Variants in PEX5L observed in about 807,000 individuals in gnomAD.
PEX5L encodes PEX5-related protein.
In PEX5L, 30 loss-of-function variants were observed where a neutral mutation model predicts 84.0. The ratio of observed to expected loss-of-function variants is 0.36; its 90% CI spans 0.27 to 0.48. PEX5L has a LOEUF of 0.48. PEX5L is among the 20% of genes least tolerant of loss of function. PEX5L has a pLI of 0.99. For synonymous variants in PEX5L, 270 were observed against 283.1 expected, an observed-to-expected ratio of 0.95 and a Z score of 0.46; for missense variants, 533 against 754.6, an observed-to-expected ratio of 0.71 and a Z score of 3.44.
rs1753697710 is a variant in PEX5L at position 179,880,020 on chromosome 3, C to G, written c.414G>C (p.Lys138Asn). ...SEPSSKTSSL[K>N]KKADGSDLIS... ...TGAGGTCAGATCCATCGGCCTTTTT[C>G]TTGAGGGATGAGGTTTTTGATGAGG... Residue 138 changes from lysine (K) to asparagine (N), a missense_variant, in exon 5 of 15, where the codon AAG becomes AAC. By Grantham distance (94) the Lys-to-Asn change is moderately conservative. Around this residue, in one of 8 missense-constraint regions of PEX5L, gnomAD observed 259 missense variants for 301.7 expected, o/e 0.86. Coordinates refer to ENST00000467460, the MANE Select transcript of PEX5L (RefSeq NM_016559.3). 6.2e-7 allele frequency: 1 copy of G among 1,613,908 alleles called. No homozygotes were observed. Among genetic ancestry groups the G allele is most frequent in the South Asian group, 1.1e-5 (1 of 91,082 alleles).
Position 179,971,671 on chromosome 3 carries a change from G to A in PEX5L, c.22-6C>T. ...TATCCTTGTTCTTTACTTTTCTTGT[G>A]AAAGAATAATTTTAAATGATCATTT... On this transcript the variant is annotated splice_polypyrimidine_tract_variant and splice_region_variant and intron_variant, in intron 1 of 14. Coordinates refer to ENST00000467460, the MANE Select transcript of PEX5L (RefSeq NM_016559.3). 1 of 1,592,674 alleles carries A rather than the reference G, an allele frequency of 6.3e-7. No homozygotes were observed. Among genetic ancestry groups the A allele is most frequent in the Non-Finnish European group, 8.6e-7 (1 of 1,169,154 alleles).
intron 1 of PEX5L, among the ~76,000 whole-genome samples, chr3:179,995,486 A>C (rs1054209559): frequency 4.6e-5 from 7 of 152,158 alleles, no homozygotes; most frequent in Admixed American, 4.6e-4. Flanking sequence ...AGAGTTATGC[A>C]AAATAAATGC....
intron 4 of PEX5L, chr3:179,881,276 T>G (rs573805294): frequency 2.0e-5 from 3 of 152,372 alleles, no homozygotes; most frequent in African/African-American, 7.2e-5. Flanking sequence ...ACAACCTGGA[T>G]TTCTTTAGTA....
At chr3:179,907,451 T>C (rs578112117) in intron 2 of PEX5L, among the ~76,000 whole-genome samples, 13 of 152,214 alleles carry the variant, frequency 8.5e-5, no homozygotes, top group Non-Finnish European at 1.9e-4. Context: ...TAGCTATGAC[T>C]ACAGGTGTGC....
chr3:180,030,542 G>A (rs1442018743), intron 1 of PEX5L, among the ~76,000 whole-genome samples: 1 of 152,058 alleles, frequency 6.6e-6, no homozygotes, highest in Non-Finnish European at 1.5e-5. Context: ...TACTTTCCCA[G>A]CCAATATCCC....
At chr3:179,976,024 T>A (rs9837660) in intron 1 of PEX5L, among the ~76,000 whole-genome samples, 59,873 of 151,832 alleles carry the variant, frequency 0.39, 12,453 homozygotes, top group East Asian at 0.74. Context: ...ATCACTAGGG[T>A]TAATTGAAAT....
At chr3:179,967,101 C>A (rs1783532513) in intron 2 of PEX5L, among the ~76,000 whole-genome samples, 1 of 152,100 alleles carries the variant, frequency 6.6e-6, no homozygotes, top group Non-Finnish European at 1.5e-5. Context: ...TAAATGTTGA[C>A]CAATTACGAT....
chr3:179,928,557 A>G (rs75517806), intron 2 of PEX5L, among the ~76,000 whole-genome samples: 1 of 152,136 alleles, frequency 6.6e-6, no homozygotes, highest in Admixed American at 6.5e-5. Context: ...CAGCATTTAA[A>G]CAGTTGTGTA....
At chr3:179,872,706 C>G (rs759112976) in intron 7 of PEX5L, among the ~76,000 whole-genome samples, 1 of 152,194 alleles carries the variant, frequency 6.6e-6, no homozygotes, top group Non-Finnish European at 1.5e-5. Flanking sequence ...CCTTGTAGAA[C>G]AGCCCACCTG....
intron 8 of PEX5L, among the ~76,000 whole-genome samples, chr3:179,828,755 A>C (rs1731496987): frequency 1.3e-5 from 2 of 152,100 alleles, no homozygotes; most frequent in Non-Finnish European, 2.9e-5. Context: ...TTCCACAAAA[A>C]CAGAGACCTT....
intron 2 of PEX5L, among the ~76,000 whole-genome samples, chr3:179,960,128 C>CGGAAA (rs2110087687): frequency 6.6e-6 from 1 of 152,208 alleles, no homozygotes; most frequent in East Asian, 1.9e-4. Flanking sequence ...TTGCTCTTTC[C>CGGAAA]CTCTTTGTTC....
Position 179,801,465 on chromosome 3 carries a change from C to T in PEX5L, c.*363G>A. ...GAGGCAGTGCTTTTTCCATGTTTCC[C>T]ATGAACAAGTTCCTCAGATGTGTCA... On this transcript the variant is annotated 3_prime_UTR_variant, in exon 15 of 15. Coordinates refer to ENST00000467460, the MANE Select transcript of PEX5L (RefSeq NM_016559.3). 1 of 210,102 alleles carries T rather than the reference C, an allele frequency of 4.8e-6. No homozygotes were observed. 13.0% of individuals were successfully genotyped at this position (210,102 alleles called of 1,614,324 possible).
At chr3:179,807,001 G>T (rs964824299) in intron 14 of PEX5L, among the ~76,000 whole-genome samples, 1 of 151,880 alleles carries the variant, frequency 6.6e-6, no homozygotes, top group Non-Finnish European at 1.5e-5. Flanking sequence ...AGAAAAAATG[G>T]GAAAAGAAAG....
chr3:179,953,283 A>G (rs760079331), intron 2 of PEX5L, among the ~76,000 whole-genome samples: 1 of 152,240 alleles, frequency 6.6e-6, no homozygotes, highest in East Asian at 1.9e-4. Flanking sequence ...GCTTCTGCAC[A>G]TCAAAAGAAA....
chr3:179,900,592 G>C, intron 2 of PEX5L: 1 of 1,023,360 alleles, frequency 9.8e-7, no homozygotes, highest in South Asian at 1.4e-5. Flanking sequence ...CTGAACTCTA[G>C]AACAAAGCAG....
At chr3:179,943,618 C>T (rs912304577) in intron 2 of PEX5L, among the ~76,000 whole-genome samples, 1 of 152,200 alleles carries the variant, frequency 6.6e-6, no homozygotes, top group Non-Finnish European at 1.5e-5. Flanking sequence ...GGTCTGCATT[C>T]TGTGTGCAAT....
rs756177952 is a variant in PEX5L, at chr3:179,887,792, C to CA, written c.199-9dup. Reference sequence around the variant, plus strand: ...TTGTTGCTCATTCACCAGCTGAGAACAAATGAACAGAGGTGTCAAAGGGCT... The same window carrying CA: ...TTGTTGCTCATTCACCAGCTGAGAACAAAATGAACAGAGGTGTCAAAGGGCT... On this transcript the variant is annotated splice_polypyrimidine_tract_variant and intron_variant, in intron 3 of 14. Coordinates refer to ENST00000467460, the MANE Select transcript of PEX5L (RefSeq NM_016559.3). The CA allele has an allele frequency of 6.3e-7, 1 of 1,587,890 alleles. No homozygotes were observed.
At chr3:179,931,680 G>A (rs1234760775) in intron 2 of PEX5L, among the ~76,000 whole-genome samples, 1 of 152,102 alleles carries the variant, frequency 6.6e-6, no homozygotes, top group Non-Finnish European at 1.5e-5. Context: ...AAGAGGCAAT[G>A]TTTCCAAGCT....
In PEX5L at chr3:179,815,904, A is replaced by T; in HGVS notation, c.1040T>A (p.Leu347Gln). 6.2e-7 allele frequency: 1 copy of T among 1,614,194 alleles called. No individual in the cohort carries two copies. Among genetic ancestry groups the T allele is most frequent in the South Asian group, 1.1e-5 (1 of 91,086 alleles). ...LKEGDLPVTI[L>Q]FMEAAILQDP... ...CTGAAGAATTGCTGCTTCCATGAAC[A>T]GGATGGTGACTGGCAGATCCCCTTC... Residue 347 changes from leucine (L) to glutamine (Q), a missense_variant, in exon 10 of 15, where the codon CTG becomes CAG. This residue lies in a region of PEX5L where 3 missense variants were observed against 22.6 expected (regional missense o/e 0.13). Coordinates refer to ENST00000467460, the MANE Select transcript of PEX5L (RefSeq NM_016559.3).
Sources: gnomAD v4.1 joint callset for allele counts (sites outside exome capture counted in the v4.1 genomes callset) on GRCh38, gnomAD v4.1.1 for gene constraint, gnomAD v4.1.1 regional missense constraint, MANE v1.5 for transcripts, NCBI Gene and HGNC (gene_info 2026-07-23, HGNC 2026-07-21) for gene names.